NYAP2: variants seen among roughly 807,000 people sequenced by gnomAD.
The protein encoded by NYAP2 is neuronal tyrosine-phosphorylated phosphoinositide-3-kinase adaptor 2.
NYAP2 carries 23 observed loss-of-function variants against 50.4 expected under a neutral mutation model. The ratio of observed to expected loss-of-function variants is 0.46; its 90% CI spans 0.33 to 0.65. The LOEUF is 0.65. Ranked by LOEUF, NYAP2 falls within the 30% of genes least tolerant of loss-of-function variation. The pLI is 0.02. For synonymous variants in NYAP2, 394 were observed against 365.2 expected, an observed-to-expected ratio of 1.08 and a Z score of -0.90; for missense variants, 885 against 861.0, an observed-to-expected ratio of 1.03 and a Z score of -0.35.
intron 5 of NYAP2, among the ~76,000 whole-genome samples, chr2:225,583,846 C>G (rs1692343926): frequency 6.6e-6 from 1 of 152,186 alleles, no homozygotes; most frequent in African/African-American, 2.4e-5. Flanking sequence ...CAAGACCATC[C>G]TGGTTAACAC....
chr2:225,492,988 C>A (rs1242938340), intron 3 of NYAP2, among the ~76,000 whole-genome samples: 1 of 150,852 alleles, frequency 6.6e-6, no homozygotes, highest in Admixed American at 6.6e-5. Context: ...TCTTTTATAG[C>A]AACTTTTTTT....
chr2:225,630,156 A>G (rs1256445417), intron 6 of NYAP2, among the ~76,000 whole-genome samples: 1 of 152,230 alleles, frequency 6.6e-6, no homozygotes, highest in Non-Finnish European at 1.5e-5. Flanking sequence ...ATGAGGGAAG[A>G]TTGAAGAAAC....
At chr2:225,669,060 T>G in the NYAP2 span, among the ~76,000 whole-genome samples, 4 of 141,926 alleles carry the variant, frequency 2.8e-5, no homozygotes, top group Non-Finnish European at 6.0e-5. Flanking sequence ...AGGACAAGTA[T>G]GAATACCAAA....
intron 4 of NYAP2, among the ~76,000 whole-genome samples, chr2:225,534,077 AC>A (rs1691305988): frequency 6.6e-6 from 1 of 152,236 alleles, no homozygotes; most frequent in Non-Finnish European, 1.5e-5. Flanking sequence ...TTAAAAAAAA[AC>A]AACCGAATAA....
chr2:225,507,071 C>G (rs889927751), intron 3 of NYAP2, among the ~76,000 whole-genome samples: 2 of 152,122 alleles, frequency 1.3e-5, no homozygotes, highest in Non-Finnish European at 2.9e-5. Context: ...CCTAGGCAAC[C>G]CTTCAGTTTG....
chr2:225,666,547 G>T, the NYAP2 span, among the ~76,000 whole-genome samples: 1 of 152,160 alleles, frequency 6.6e-6, no homozygotes, highest in South Asian at 2.1e-4. Context: ...GGGTTGGGGG[G>T]ATGGTTCCAG....
intron 2 of NYAP2, among the ~76,000 whole-genome samples, chr2:225,403,746 A>T (rs1694898254): frequency 6.6e-6 from 1 of 152,002 alleles, no homozygotes; most frequent in Non-Finnish European, 1.5e-5. Context: ...TGTGCCTATG[A>T]AGGCTACTGG....
intron 3 of NYAP2, among the ~76,000 whole-genome samples, chr2:225,461,501 T>C (rs965032188): frequency 1.3e-5 from 2 of 152,234 alleles, no homozygotes; most frequent in Non-Finnish European, 1.5e-5. Flanking sequence ...CTGAGTGAGT[T>C]TGAAAGATAA....
At chr2:225,611,525 AC>A (rs1162550291) in intron 5 of NYAP2, among the ~76,000 whole-genome samples, 1 of 151,914 alleles carries the variant, frequency 6.6e-6, no homozygotes, top group Non-Finnish European at 1.5e-5. Flanking sequence ...TGCCCGCAAA[AC>A]TAATCTAATC....
chr2:225,676,288 A>G, the NYAP2 span, among the ~76,000 whole-genome samples: 1 of 152,064 alleles, frequency 6.6e-6, no homozygotes, highest in African/African-American at 2.4e-5. Flanking sequence ...CTGAGGTCAG[A>G]CATTTACATC....
rs767090288 is a variant in NYAP2 at position 225,622,559 on chromosome 2, T to TTCTTTC, written c.1619-4357_1619-4356insCTTTCT. 2.9e-3 allele frequency among the ~76,000 whole-genome samples: 166 copies of TTCTTTC among 56,866 alleles called. 5 individuals carry two copies. Among genetic ancestry groups the TTCTTTC allele is most frequent in the Middle Eastern group, 0.011 (1 of 88 alleles). The allele number at this position is 56,866 out of a possible 152,430, so 37.3% of individuals were successfully genotyped here. A position where few individuals can be genotyped will look rare whatever the true frequency, so the allele number is the denominator to read the frequency against. On this transcript the variant is annotated intron_variant, in intron 5 of 6. Transcript: ENST00000636099. ...TTTCTTTCTTTCTTTCTTTCTTTCT[T>TTCTTTC]TTTCTTTCTTTCTTTCTTTCTTCTT...
At chr2:225,455,944 G>A (rs949226949) in intron 3 of NYAP2, among the ~76,000 whole-genome samples, 7 of 152,252 alleles carry the variant, frequency 4.6e-5, no homozygotes, top group Non-Finnish European at 8.8e-5. Context: ...AGTCTGATGC[G>A]TTCATTCTCT....
At chr2:225,492,038 C>G (rs143353552) in intron 3 of NYAP2, among the ~76,000 whole-genome samples, 2 of 152,118 alleles carry the variant, frequency 1.3e-5, no homozygotes, top group African/African-American at 4.8e-5. Flanking sequence ...CTGGGTAGGA[C>G]AGGTCAAGTG....
chr2:225,553,728 A>G (rs1298499674), intron 4 of NYAP2, among the ~76,000 whole-genome samples: 1 of 152,190 alleles, frequency 6.6e-6, no homozygotes, highest in Admixed American at 6.5e-5. Flanking sequence ...GGAGAAGTAT[A>G]TCAACTTTTA....
At chr2:225,519,334 C>T (rs942756974) in intron 4 of NYAP2, among the ~76,000 whole-genome samples, 1 of 151,522 alleles carries the variant, frequency 6.6e-6, no homozygotes, top group Non-Finnish European at 1.5e-5. Context: ...AGGTTAGTTA[C>T]ATATGTATAC....
At chr2:225,487,369 T>C (rs1690320123) in intron 3 of NYAP2, among the ~76,000 whole-genome samples, 1 of 152,130 alleles carries the variant, frequency 6.6e-6, no homozygotes, top group Admixed American at 6.5e-5. Context: ...CTTTTCTTTT[T>C]TTTTTTCCAT....
intron 5 of NYAP2, among the ~76,000 whole-genome samples, chr2:225,610,964 C>T (rs569892522): frequency 5.3e-5 from 8 of 152,246 alleles, no homozygotes; most frequent in African/African-American, 1.9e-4. Context: ...ACTCCATTGA[C>T]AGTTGTAGAA....
intron 4 of NYAP2, among the ~76,000 whole-genome samples, chr2:225,552,342 A>G (rs1299017832): frequency 6.6e-6 from 1 of 152,248 alleles, no homozygotes; most frequent in Non-Finnish European, 1.5e-5. Context: ...AGCAAAAAGG[A>G]GACACAGAGG....
the NYAP2 span, among the ~76,000 whole-genome samples, chr2:225,667,391 T>C: frequency 6.6e-6 from 1 of 152,134 alleles, no homozygotes; most frequent in Non-Finnish European, 1.5e-5. Context: ...AGTCATACAA[T>C]TTGTCAGAGA....
Sources: gnomAD v4.1 joint callset for allele counts (sites outside exome capture counted in the v4.1 genomes callset) on GRCh38, gnomAD v4.1.1 for gene constraint, MANE v1.5 for transcripts, NCBI Gene and HGNC (gene_info 2026-07-23, HGNC 2026-07-21) for gene names.